Variants in TTLL1 observed in about 807,000 individuals in gnomAD.
TTLL1 encodes TTL family tubulin polyglutamylase complex subunit L1, also known as polyglutamylase complex subunit TTLL1.
TTLL1 carries 33 observed loss-of-function variants against 47.8 expected under a neutral mutation model. That is an observed-to-expected ratio of 0.69 (90% CI 0.52 to 0.92). The LOEUF is 0.92. Among genes scored for constraint, TTLL1 ranks in the 40% least tolerant of loss-of-function variants. The pLI, the probability that TTLL1 is intolerant of heterozygous loss-of-function variation, is 0.00. For missense variants in TTLL1, 488 were observed against 547.5 expected (o/e 0.89, Z 1.08); for synonymous variants, 225 against 214.1 (o/e 1.05, Z -0.45).
chr22:43,066,745 T>G (rs1176715329), intron 5 of TTLL1, among the ~76,000 whole-genome samples: 1 of 151,678 alleles, frequency 6.6e-6, no homozygotes, highest in Admixed American at 6.6e-5. Flanking sequence ...ATACTAGCAC[T>G]TTGGGAGGCC....
At chr22:43,061,469 A>C (rs1927383207) in intron 7 of TTLL1, among the ~76,000 whole-genome samples, 1 of 152,238 alleles carries the variant, frequency 6.6e-6, no homozygotes, top group Non-Finnish European at 1.5e-5. Context: ...CGTCTGACCA[A>C]ACTCTTCAGC....
At chr22:43,063,951 C>T (rs1569430307) in intron 6 of TTLL1, 30 bp from the exon 7 acceptor site, 8 of 1,602,980 alleles carry the variant, frequency 5.0e-6, no homozygotes, top group Admixed American at 3.4e-5. Flanking sequence ...AATTCAAACT[C>T]TGAGGAGAAA....
chr22:43,052,513 G>T (rs749116729), intron 8 of TTLL1: 7 of 155,334 alleles, frequency 4.5e-5, no homozygotes, highest in Non-Finnish European at 7.1e-5. Context: ...GCCAAGGTGG[G>T]AGGATCACTT....
intron 3 of TTLL1, among the ~76,000 whole-genome samples, chr22:43,071,756 G>A (rs530896987): frequency 4.6e-5 from 7 of 152,318 alleles, no homozygotes; most frequent in Non-Finnish European, 1.0e-4. Flanking sequence ...GGGCTCAGCT[G>A]AGCAATTCTA....
chr22:43,039,972 C>T, intron 10 of TTLL1, 67 bp from the exon 11 acceptor site: 6 of 1,558,292 alleles, frequency 3.9e-6, no homozygotes, highest in Non-Finnish European at 4.4e-6. Flanking sequence ...GGCCACCAGG[C>T]TGCTGTGTGG....
chr22:43,075,629 C>CA (rs1468169093), intron 2 of TTLL1, 39 bp from the exon 3 acceptor site: 1 of 1,558,854 alleles, frequency 6.4e-7, no homozygotes, highest in South Asian at 1.1e-5. Flanking sequence ...GAAACTTCAA[C>CA]AGCTCACTTC....
At chr22:43,066,395 G>C (rs529218270) in intron 5 of TTLL1, among the ~76,000 whole-genome samples, 5 of 151,728 alleles carry the variant, frequency 3.3e-5, no homozygotes, top group Non-Finnish European at 7.4e-5. Context: ...AATGCTCCTC[G>C]GGCCTGGCCA....
At chr22:43,049,567 C>A (rs1336625902) in intron 9 of TTLL1, among the ~76,000 whole-genome samples, 4 of 148,992 alleles carry the variant, frequency 2.7e-5, no homozygotes, top group African/African-American at 9.9e-5. Flanking sequence ...ACAAAAAAAC[C>A]CAGCTTGCAC....
chr22:43,068,373 G>T, intron 5 of TTLL1, 37 bp downstream of exon 5: 1 of 1,440,266 alleles, frequency 6.9e-7, no homozygotes, highest in Admixed American at 2.2e-5. Flanking sequence ...GGTGAACTGG[G>T]ACCTGGCACA....
In TTLL1 at chr22:43,076,370, C is replaced by T. The variant is rs138379706; in HGVS notation, c.-4-780G>A. ...ACTCGGGAGGTTGAGGCAGGAGAAT[C>T]GCTTGAACCCGGGAGGCAGAGGTTG... On this transcript the variant is annotated intron_variant, in intron 2 of 10. Transcript: ENST00000266254. Among the ~76,000 whole-genome samples the T allele has an allele frequency of 6.2e-4, 95 of 152,210 alleles. 3 individuals are homozygous for T. In the East Asian group the frequency reaches 0.017, roughly 28 times the overall value.
chr22:43,076,613 T>TGC, intron 2 of TTLL1, among the ~76,000 whole-genome samples: 1 of 149,846 alleles, frequency 6.7e-6, no homozygotes, highest in Non-Finnish European at 1.5e-5. Flanking sequence ...TAGCCAGGCA[T>TGC]GGTGGCATGC....
At chr22:43,053,285 C>T (rs2146966883) in intron 8 of TTLL1, among the ~76,000 whole-genome samples, 1 of 152,260 alleles carries the variant, frequency 6.6e-6, no homozygotes, top group East Asian at 1.9e-4. Context: ...TTCAACGAAA[C>T]ACTTGAAGCT....
intron 1 of TTLL1, among the ~76,000 whole-genome samples, chr22:43,080,357 T>C (rs544056566): frequency 2.3e-4 from 35 of 152,130 alleles, no homozygotes; most frequent in Admixed American, 1.6e-3. Flanking sequence ...GCCTGGCCTC[T>C]TTAACCATTT....
chr22:43,056,626 A>C (rs913843509), intron 8 of TTLL1, among the ~76,000 whole-genome samples: 2 of 151,306 alleles, frequency 1.3e-5, no homozygotes, highest in Admixed American at 6.6e-5. Flanking sequence ...TCTACTTAAA[A>C]ATACAAAAAT....
At chr22:43,087,215 C>T (rs1182584902) in intron 1 of TTLL1, among the ~76,000 whole-genome samples, 2 of 152,174 alleles carry the variant, frequency 1.3e-5, no homozygotes, top group African/African-American at 4.8e-5. Flanking sequence ...ATCATTTAGT[C>T]CAGTGCTACT....
rs576804345 is a variant in TTLL1 at position 43,086,001 on chromosome 22, C to G, written c.-90+3276G>C. The stretch of plus-strand genomic sequence containing the variant: ...CCAAAATCGTGTGTAGACAAGTGAT[C>G]CACCGGGCCACGCCCCACAGTGTGG... On this transcript the variant is annotated intron_variant, in intron 1 of 10. Coordinates refer to ENST00000266254, the MANE Select transcript of TTLL1 (RefSeq NM_012263.5). Among the ~76,000 whole-genome samples, 8 of 152,294 alleles carry G rather than the reference C, an allele frequency of 5.3e-5. No individual in the cohort carries two copies. In the South Asian group the frequency reaches 1.7e-3, roughly 32 times the overall value.
In TTLL1 at chr22:43,044,551, A is replaced by C. The variant is rs1439072063; in HGVS notation, c.1142+1859T>G. Among the ~76,000 whole-genome samples the C allele has an allele frequency of 2.0e-5, 3 of 152,160 alleles. No homozygotes were observed. In the East Asian group the frequency reaches 5.8e-4, roughly 29 times the overall value. ...CTTTGTTTTTTAAAAATTTACATGA[A>C]ATGCACATTTTTGCTGTGACAGAAG... On this transcript the variant is annotated intron_variant, in intron 10 of 10. Transcript: ENST00000266254.
intron 9 of TTLL1, among the ~76,000 whole-genome samples, chr22:43,051,317 C>T (rs189905046): frequency 6.6e-5 from 10 of 152,402 alleles, no homozygotes; most frequent in Non-Finnish European, 4.4e-5. Context: ...ACGACATCCT[C>T]TCCACCCACT....
At chr22:43,042,035 G>T (rs771953436) in intron 10 of TTLL1, among the ~76,000 whole-genome samples, 1 of 152,064 alleles carries the variant, frequency 6.6e-6, no homozygotes, top group South Asian at 2.1e-4. Context: ...CCTCCCTGGC[G>T]CCTCTCCACA....
Sources: gnomAD v4.1 joint callset for allele counts (sites outside exome capture counted in the v4.1 genomes callset) on GRCh38, gnomAD v4.1.1 for gene constraint, MANE v1.5 for transcripts, NCBI Gene and HGNC (gene_info 2026-07-23, HGNC 2026-07-21) for gene names.